The following TMEM126B variants were observed in gnomAD, a reference collection of about 807,000 sequenced individuals.
TMEM126B encodes complex I assembly factor TMEM126B, mitochondrial.
In TMEM126B, 19 loss-of-function variants were observed where a neutral mutation model predicts 16.5. The observed-to-expected ratio is 1.15, with a 90% CI of 0.80 to 1.69. TMEM126B has a LOEUF of 1.69. TMEM126B is among the 40% of genes most tolerant of loss of function. The pLI is 0.00. For missense variants in TMEM126B, 293 were observed against 278.7 expected (o/e 1.05, Z -0.37); for synonymous variants, 104 against 93.2 (o/e 1.12, Z -0.67).
chr11:85,629,216 C>G (rs1037584204), intron 1 of TMEM126B: 1 of 1,289,170 alleles, frequency 7.8e-7, no homozygotes. Flanking sequence ...CTGGCATATA[C>G]CACGTGCTCC....
intron 2 of TMEM126B, among the ~76,000 whole-genome samples, chr11:85,632,849 T>C (rs888122516): frequency 6.6e-6 from 1 of 152,082 alleles, no homozygotes; most frequent in Non-Finnish European, 1.5e-5. Context: ...ATGTGCACAA[T>C]GTGCAGGTTA....
chr11:85,631,476 A>G (rs2082295297), intron 1 of TMEM126B, among the ~76,000 whole-genome samples: 1 of 152,240 alleles, frequency 6.6e-6, no homozygotes, highest in African/African-American at 2.4e-5. Flanking sequence ...AAGAAAATAA[A>G]AAATAATAAC....
At chr11:85,635,502 G>A (rs765816677) in intron 3 of TMEM126B, among the ~76,000 whole-genome samples, 165 bp from the exon 4 acceptor site, 3 of 152,186 alleles carry the variant, frequency 2.0e-5, no homozygotes, top group Non-Finnish European at 4.4e-5. Flanking sequence ...TTTTTAAAAT[G>A]TGCTGCATTT....
intron 2 of TMEM126B, among the ~76,000 whole-genome samples, chr11:85,633,334 G>C (rs1161282053): frequency 6.6e-6 from 1 of 151,786 alleles, no homozygotes; most frequent in African/African-American, 2.4e-5. Context: ...GGGATGGCTG[G>C]GTCAAATGGT....
At position 85,636,430 on chromosome 11, in the gene TMEM126B, A is replaced by G; in HGVS notation, c.*201A>G. The G allele has an allele frequency of 2.8e-6, 1 of 356,596 alleles. No individual in the cohort carries two copies. Among genetic ancestry groups the G allele is most frequent in the Non-Finnish European group, 5.0e-6 (1 of 198,366 alleles). The allele number at this position is 356,596 out of a possible 1,614,324, so 22.1% of individuals were successfully genotyped here. A position where few individuals can be genotyped will look rare whatever the true frequency, so the allele number is the denominator to read the frequency against. ...ATCTTACACGTAAGATACAGGTCTTATCTCCTGATGGTGTGTCCATTTTGC... is the reference window on the plus strand; with the variant it reads ...ATCTTACACGTAAGATACAGGTCTTGTCTCCTGATGGTGTGTCCATTTTGC... On this transcript the variant is annotated 3_prime_UTR_variant, in exon 5 of 5. Transcript: ENST00000358867.
At chr11:85,635,821 CTTT>C (rs58671332) in intron 4 of TMEM126B, 43 bp downstream of exon 4, 2,524 of 862,834 alleles carry the variant, frequency 2.9e-3, no homozygotes, top group Non-Finnish European at 3.2e-3. Flanking sequence ...CTTTTCTTTT[CTTT>C]TTTTTTTTTT....
chr11:85,633,050 G>A (rs2082332889), intron 2 of TMEM126B, among the ~76,000 whole-genome samples: 1 of 152,112 alleles, frequency 6.6e-6, no homozygotes, highest in African/African-American at 2.4e-5. Flanking sequence ...AGAATATGCG[G>A]TGTTTGGTTT....
At chr11:85,635,367 G>A (rs1330547321) in intron 3 of TMEM126B, among the ~76,000 whole-genome samples, 9 of 152,148 alleles carry the variant, frequency 5.9e-5, no homozygotes, top group Admixed American at 1.3e-4. Context: ...AGCCGAGATC[G>A]TGCCACTGTA....
Position 85,636,159 on chromosome 11 carries a change from G to A in TMEM126B, c.623G>A (p.Gly208Glu), listed in dbSNP as rs1387038305. 1 of 1,611,564 alleles carries A rather than the reference G, an allele frequency of 6.2e-7. No individual in the cohort carries two copies. The highest frequency in any genetic ancestry group is 8.5e-7 in the Non-Finnish European group (1 of 1,179,376). The stretch of plus-strand genomic sequence containing the variant: ...CCTCTAGTCTTTCAGATTATGTTTG[G>A]AATATTAAATGGTCTATACCATTAT... ...AIPLVFQIMFGILNGLYHYAV... is the reference protein window; with the variant it reads ...AIPLVFQIMFEILNGLYHYAV... The change falls in exon 5 of 5, where the codon GGA (glycine) becomes GAA (glutamate). Residue 208 changes from glycine (G) to glutamate (E), a missense_variant. Transcript: ENST00000358867.
intron 1 of TMEM126B, chr11:85,629,190 T>C (rs1356793043): frequency 3.1e-6 from 4 of 1,286,286 alleles, no homozygotes; most frequent in Non-Finnish European, 3.0e-6. Flanking sequence ...TGACTGTATC[T>C]TGATTACCCG....
rs760127259 is a variant in TMEM126B at position 85,635,672 on chromosome 11, A to G, written c.403A>G (p.Ile135Val). 4.4e-6 allele frequency: 7 copies of G among 1,604,344 alleles called. No individual in the cohort carries two copies. Among genetic ancestry groups the G allele is most frequent in the Non-Finnish European group, 5.9e-6 (7 of 1,177,278 alleles). The change falls in exon 4 of 5, where the codon ATA becomes GTA. Residue 135 changes from isoleucine to valine, a missense_variant. Ile to Val is a conservative substitution (Grantham distance 29, BLOSUM62 3). Transcript: ENST00000358867. ...AATTTACTTTTGTTTTCCAGATAAT[A>G]TAAGCAAGGAAAACTGTGTTTTCAG... ...FVIDALYSDNISKENCVFRSS... is the reference protein window; with the variant it reads ...FVIDALYSDNVSKENCVFRSS...
At chr11:85,631,283 G>A (rs375604178) in intron 1 of TMEM126B, 43 of 1,266,074 alleles carry the variant, frequency 3.4e-5, no homozygotes, top group Middle Eastern at 2.2e-4. Flanking sequence ...CTGCCTTCTC[G>A]GAATGAGGAG....
intron 1 of TMEM126B, chr11:85,629,025 C>T: frequency 2.1e-6 from 1 of 479,784 alleles, no homozygotes; most frequent in Middle Eastern, 3.2e-4. Flanking sequence ...AATGTCACTT[C>T]TTCCGGGAAG....
chr11:85,635,605 A>G (rs2082383040), intron 3 of TMEM126B, 62 bp from the exon 4 acceptor site: 1 of 1,139,798 alleles, frequency 8.8e-7, no homozygotes, highest in Non-Finnish European at 1.3e-6. Flanking sequence ...TCTGTGAGGT[A>G]CAACACTGTC....
At position 85,636,458 on chromosome 11, in the gene TMEM126B, G is replaced by T; in HGVS notation, c.*229G>T. The stretch of plus-strand genomic sequence containing the variant: ...TCCTGATGGTGTGTCCATTTTGCCT[G>T]GTATATAACAGATAATAAATATCCA... On this transcript the variant is annotated 3_prime_UTR_variant, in exon 5 of 5. Transcript: ENST00000358867. 1.8e-5 allele frequency: 5 copies of T among 277,154 alleles called. No individual in the cohort carries two copies. The highest frequency in any genetic ancestry group is 1.3e-4 in the South Asian group (1 of 7,958). The allele number at this position is 277,154 out of a possible 1,614,324, so 17.2% of individuals were successfully genotyped here.
chr11:85,634,373 C>A, intron 3 of TMEM126B, 94 bp downstream of exon 3: 1 of 887,838 alleles, frequency 1.1e-6, no homozygotes, highest in Non-Finnish European at 1.7e-6. Flanking sequence ...TAATTCTTTA[C>A]ATTTATATAT....
chr11:85,630,050 A>G (rs955791535), intron 1 of TMEM126B, among the ~76,000 whole-genome samples: 43 of 152,158 alleles, frequency 2.8e-4, no homozygotes, highest in Admixed American at 2.0e-3. Flanking sequence ...CTGGCCTTCT[A>G]TAGTTAGGAT....
intron 1 of TMEM126B, among the ~76,000 whole-genome samples, chr11:85,629,915 A>G (rs958488715): frequency 2.6e-5 from 4 of 152,192 alleles, no homozygotes; most frequent in African/African-American, 9.7e-5. Context: ...AAAAAGATTG[A>G]GTACATTTCT....
At chr11:85,628,583 C>T (rs2082137494), upstream of TMEM126B, 1 of 1,527,916 alleles carries the variant, frequency 6.5e-7, no homozygotes, top group African/African-American at 1.5e-5. Context: ...TCCCCGCCCA[C>T]CGGCAAGTCA....
Sources: allele counts gnomAD v4.1 joint callset (sites outside exome capture counted in the v4.1 genomes callset), GRCh38; gene constraint gnomAD v4.1.1; transcripts MANE v1.5; gene names NCBI Gene and HGNC (gene_info 2026-07-23, HGNC 2026-07-21).